ADAMTS12: variants seen among roughly 807,000 people sequenced by gnomAD.
The protein encoded by ADAMTS12 is ADAM metallopeptidase with thrombospondin type 1 motif 12, also known as A disintegrin and metalloproteinase with thrombospondin motifs 12.
ADAMTS12 carries 118 observed loss-of-function variants against 167.8 expected under a neutral mutation model. The ratio of observed to expected loss-of-function variants is 0.70; its 90% CI spans 0.61 to 0.82. The LOEUF (loss-of-function observed/expected upper bound fraction) is 0.82. ADAMTS12 is among the 40% of genes least tolerant of loss of function. The pLI, the probability that ADAMTS12 is intolerant of heterozygous loss-of-function variation, is 0.00. For missense variants in ADAMTS12, 1,916 were observed against 1,998.8 expected, an observed-to-expected ratio of 0.96 and a Z score of 0.79; for synonymous variants, 704 against 716.9, an observed-to-expected ratio of 0.98 and a Z score of 0.29.
At chr5:33,663,903 C>T (rs1174570829) in intron 5 of ADAMTS12, among the ~76,000 whole-genome samples, 2 of 152,152 alleles carry the variant, frequency 1.3e-5, no homozygotes, top group African/African-American at 4.8e-5. Flanking sequence ...AGTATTACCA[C>T]TTATAATTGT....
Position 33,864,268 on chromosome 5 carries a change from C to G in ADAMTS12, c.489+16851G>C, listed in dbSNP as rs181532956. Among the ~76,000 whole-genome samples, 205 of 152,286 alleles carry G rather than the reference C, an allele frequency of 1.3e-3. 1 individual carries two copies. Among genetic ancestry groups the G allele is most frequent in the Admixed American group, 2.4e-3 (36 of 15,296 alleles). Reference sequence around the variant, plus strand: ...ATCATCACTAGTCATTACAGAAATGCAAATCGAAACCACAATGAGATGCCA... The same window carrying G: ...ATCATCACTAGTCATTACAGAAATGGAAATCGAAACCACAATGAGATGCCA... On this transcript the variant is annotated intron_variant, in intron 2 of 23. Coordinates refer to ENST00000504830, the MANE Select transcript of ADAMTS12 (RefSeq NM_030955.4).
At chr5:33,553,107 T>A (rs746642861) in intron 20 of ADAMTS12, among the ~76,000 whole-genome samples, 2 of 152,042 alleles carry the variant, frequency 1.3e-5, no homozygotes, top group African/African-American at 2.4e-5. Context: ...AACAATCACA[T>A]GAAAAAAAGC....
intron 2 of ADAMTS12, among the ~76,000 whole-genome samples, chr5:33,770,416 C>T (rs926956849): frequency 4.6e-5 from 7 of 152,038 alleles, no homozygotes; most frequent in African/African-American, 9.7e-5. Context: ...TGTAACTGCC[C>T]GTGATTCAGC....
At chr5:33,676,062 T>G (rs1216342980) in intron 5 of ADAMTS12, among the ~76,000 whole-genome samples, 1 of 151,924 alleles carries the variant, frequency 6.6e-6, no homozygotes, top group Non-Finnish European at 1.5e-5. Context: ...TTTTTGTTTA[T>G]TTTTTTTCAC....
intron 2 of ADAMTS12, among the ~76,000 whole-genome samples, chr5:33,801,193 T>A (rs562409382): frequency 6.6e-6 from 1 of 152,336 alleles, no homozygotes; most frequent in South Asian, 2.1e-4. Flanking sequence ...GATTTTGGAC[T>A]TCTGGCCTCT....
At chr5:33,571,219 T>C (rs1579682960) in intron 19 of ADAMTS12, among the ~76,000 whole-genome samples, 1 of 152,132 alleles carries the variant, frequency 6.6e-6, no homozygotes, top group African/African-American at 2.4e-5. Context: ...TACCCAGGAA[T>C]TGAACTCAGC....
intron 5 of ADAMTS12, among the ~76,000 whole-genome samples, chr5:33,679,380 G>T (rs1210046791): frequency 6.6e-6 from 1 of 152,166 alleles, no homozygotes; most frequent in Admixed American, 6.5e-5. Flanking sequence ...CATGGCTTGG[G>T]AGGCCTCAGG....
At position 33,542,622 on chromosome 5, in the gene ADAMTS12, T is replaced by C. The variant is rs189843007; in HGVS notation, c.4446+3437A>G. 2.6e-5 allele frequency among the ~76,000 whole-genome samples: 4 copies of C among 152,288 alleles called. No individual in the cohort carries two copies. In the East Asian group the frequency reaches 5.8e-4, roughly 22 times the overall value. On this transcript the variant is annotated intron_variant, in intron 22 of 23. Coordinates refer to ENST00000504830, the MANE Select transcript of ADAMTS12 (RefSeq NM_030955.4). ...GAACACATAATTGGAAGTAAAGCAC[T>C]CCTCAGCAAATGTAAAAGAACGGAA...
intron 16 of ADAMTS12, 150 bp downstream of exon 16, chr5:33,614,088 C>T: frequency 9.5e-7 from 1 of 1,052,796 alleles, no homozygotes; most frequent in Non-Finnish European, 1.3e-6. Context: ...AAACCATGCC[C>T]ATGTTCACTG....
rs185166887 is a variant in ADAMTS12, at chr5:33,617,244, A to T, written c.2144-1172T>A. Among the ~76,000 whole-genome samples, 261 of 151,508 alleles carry T rather than the reference A, an allele frequency of 1.7e-3. 1 individual carries two copies. Among genetic ancestry groups the T allele is most frequent in the East Asian group, 0.014 (72 of 5,170 alleles). Reference sequence around the variant, plus strand: ...TTTTTTTTTTTTAAATATAAAATACAGTTTTAAGACATTGATGATCTTGGT... The same window carrying T: ...TTTTTTTTTTTTAAATATAAAATACTGTTTTAAGACATTGATGATCTTGGT... On this transcript the variant is annotated intron_variant, in intron 14 of 23. Coordinates refer to ENST00000504830, the MANE Select transcript of ADAMTS12 (RefSeq NM_030955.4).
At chr5:33,863,028 C>T (rs949841099) in intron 2 of ADAMTS12, among the ~76,000 whole-genome samples, 2 of 152,006 alleles carry the variant, frequency 1.3e-5, no homozygotes, top group African/African-American at 2.4e-5. Context: ...AACTAGATGT[C>T]GATGAAACGT....
chr5:33,550,812 C>G (rs1745222049), intron 20 of ADAMTS12, among the ~76,000 whole-genome samples: 1 of 152,142 alleles, frequency 6.6e-6, no homozygotes, highest in South Asian at 2.1e-4. Flanking sequence ...CTGCCCTGTT[C>G]CGCATCACAC....
intron 5 of ADAMTS12, among the ~76,000 whole-genome samples, chr5:33,676,461 G>A (rs1258631666): frequency 6.6e-6 from 1 of 151,932 alleles, no homozygotes; most frequent in East Asian, 1.9e-4. Flanking sequence ...GATTACCAGA[G>A]GAAAGGATAC....
At chr5:33,566,401 T>A (rs1476795088) in intron 19 of ADAMTS12, among the ~76,000 whole-genome samples, 1 of 152,098 alleles carries the variant, frequency 6.6e-6, no homozygotes, top group Non-Finnish European at 1.5e-5. Context: ...GAGTTCAGGA[T>A]TGTGATGAGC....
At chr5:33,570,391 G>T (rs1315720795) in intron 19 of ADAMTS12, among the ~76,000 whole-genome samples, 2 of 152,294 alleles carry the variant, frequency 1.3e-5, no homozygotes, top group East Asian at 3.9e-4. Context: ...GACTAACAGT[G>T]GATCTCTCGG....
At chr5:33,791,619 A>C (rs1156610185) in intron 2 of ADAMTS12, among the ~76,000 whole-genome samples, 3 of 152,200 alleles carry the variant, frequency 2.0e-5, no homozygotes, top group Non-Finnish European at 4.4e-5. Flanking sequence ...ACTTTAATGG[A>C]AATTCTCTAG....
intron 2 of ADAMTS12, among the ~76,000 whole-genome samples, chr5:33,785,114 T>C (rs1746280219): frequency 6.6e-6 from 1 of 151,946 alleles, no homozygotes; most frequent in Non-Finnish European, 1.5e-5. Context: ...TCACTGGATA[T>C]CCACATGAAA....
chr5:33,768,103 T>C (rs1415707704), intron 2 of ADAMTS12, among the ~76,000 whole-genome samples: 2 of 152,126 alleles, frequency 1.3e-5, no homozygotes, highest in Admixed American at 6.5e-5. Context: ...CCGAAGTTAG[T>C]TGATAAAGAA....
intron 14 of ADAMTS12, among the ~76,000 whole-genome samples, chr5:33,616,402 C>T (rs1739017925): frequency 6.6e-6 from 1 of 152,202 alleles, no homozygotes; most frequent in Admixed American, 6.5e-5. Context: ...CCTAAAGCTC[C>T]TTGCTAGCTT....
Sources: gnomAD v4.1 joint callset for allele counts (sites outside exome capture counted in the v4.1 genomes callset) on GRCh38, gnomAD v4.1.1 for gene constraint, MANE v1.5 for transcripts, NCBI Gene and HGNC (gene_info 2026-07-23, HGNC 2026-07-21) for gene names.